LEPROTL1: variants seen among roughly 807,000 people sequenced by gnomAD.
The protein encoded by LEPROTL1 is leptin receptor overlapping transcript-like 1.
LEPROTL1 carries 6 observed loss-of-function variants against 15.4 expected under a neutral mutation model. The ratio of observed to expected loss-of-function variants is 0.39; its 90% confidence interval spans 0.21 to 0.77. LEPROTL1 has a LOEUF of 0.77. Among genes scored for constraint, LEPROTL1 ranks in the 30% least tolerant of loss-of-function variants. The pLI, the probability that LEPROTL1 is intolerant of heterozygous loss-of-function variation, is 0.41. For synonymous variants in LEPROTL1, 56 were observed against 52.6 expected, an observed-to-expected ratio of 1.06 and a Z score of -0.28; for missense variants, 128 against 158.1, an observed-to-expected ratio of 0.81 and a Z score of 1.02.
Position 30,137,011 on chromosome 8 carries a change from TA to T in LEPROTL1, c.395-250del, listed in dbSNP as rs1230406192. On this transcript the variant is annotated intron_variant, in intron 4 of 4. Transcript: ENST00000442880. ...CTGAAAATAGTCTTTACAGGAAAAT[TA>T]AAAAAAAAAATTCTAGGTATAGTCA... is the stretch of plus-strand genomic sequence containing the variant. Among the ~76,000 whole-genome samples, 20 of 147,636 alleles carry T rather than the reference TA, an allele frequency of 1.4e-4. No individual in the cohort carries two copies. In the East Asian group the frequency reaches 2.2e-3, roughly 16 times the overall value.
At chr8:30,096,774 A>C (rs1037131321) in intron 1 of LEPROTL1, among the ~76,000 whole-genome samples, 1 of 152,202 alleles carries the variant, frequency 6.6e-6, no homozygotes, top group Non-Finnish European at 1.5e-5. Context: ...GAAATACTGC[A>C]TTAAACTGAT....
At chr8:30,127,674 A>C (rs1802925473) in intron 3 of LEPROTL1, among the ~76,000 whole-genome samples, 1 of 94,268 alleles carries the variant, frequency 1.1e-5, no homozygotes, top group Middle Eastern at 6.6e-3. Flanking sequence ...GTCTCAAAAA[A>C]AAAAAAAAAA....
intron 3 of LEPROTL1, among the ~76,000 whole-genome samples, chr8:30,116,643 GCT>G (rs964958375): frequency 1.3e-5 from 2 of 152,134 alleles, no homozygotes; most frequent in African/African-American, 4.8e-5. Context: ...GGGTTGTGGG[GCT>G]CGGGGGTTGG....
At position 30,105,756 on chromosome 8, in the gene LEPROTL1, G is replaced by T; in HGVS notation, c.290G>T (p.Gly97Val). 6.3e-7 allele frequency: 1 copy of T among 1,593,044 alleles called. No homozygotes were observed. Among genetic ancestry groups the T allele is most frequent in the South Asian group, 1.1e-5 (1 of 89,636 alleles). Residue 97 changes from glycine to valine, a missense_variant, in exon 4 of 4, where the codon GGA (glycine) becomes GTA (valine). Physicochemically the swap from Gly to Val is moderately radical, Grantham distance 109. Coordinates refer to ENST00000321250, the MANE Select transcript of LEPROTL1 (RefSeq NM_015344.3). ...VFARAHLIEW[G>V]ACALVLTGNT... is the part of the protein sequence containing the mutation. ...ATCTTATTTCCATAGATTGAGTGGG[G>T]AGCTTGTGCACTTGTTCTCACAGGA...
In LEPROTL1 at chr8:30,104,703, CT is replaced by C. The variant is rs780769156; in HGVS notation, c.279+227del. 1.5e-3 allele frequency: 489 copies of C among 333,754 alleles called. 1 individual carries two copies. The highest frequency in any genetic ancestry group is 1.9e-3 in the Admixed American group (38 of 19,892). The allele number at this position is 333,754 out of a possible 1,614,324, so 20.7% of individuals were successfully genotyped here. Reference sequence around the variant, plus strand: ...TGCAGCAGCTGTTGGCTTGCTAATACTTTTTTTTTTCTTTTTTTTTTTTTTT... The same window carrying C: ...TGCAGCAGCTGTTGGCTTGCTAATACTTTTTTTTTCTTTTTTTTTTTTTTT... On this transcript the variant is annotated intron_variant, in intron 3 of 3. Transcript: ENST00000321250.
chr8:30,107,731 T>G lies in LEPROTL1; in HGVS notation c.*1869T>G. 1 of 971,904 alleles carries G rather than the reference T, an allele frequency of 1.0e-6. No homozygotes were observed. Among genetic ancestry groups the G allele is most frequent in the Non-Finnish European group, 1.2e-6 (1 of 825,322 alleles). 60.2% of individuals were successfully genotyped at this position (971,904 alleles called of 1,614,324 possible). On this transcript the variant is annotated 3_prime_UTR_variant, in exon 4 of 4. Transcript: ENST00000321250. ...AGCTGGTGAGACAGTTGGGAACTCT[T>G]TGTGCTTGTGATCTACTGGACTTTT...
chr8:30,106,159 T>G lies in LEPROTL1; in HGVS notation c.*297T>G. On this transcript the variant is annotated 3_prime_UTR_variant, in exon 4 of 4. Coordinates refer to ENST00000321250, the MANE Select transcript of LEPROTL1 (RefSeq NM_015344.3). ...GTTTTTCCTGTTAGGTTGATTTTTT[T>G]TGGAATCAATATGCAATGTTAAACA... 4.0e-6 allele frequency: 4 copies of G among 996,948 alleles called. No homozygotes were observed. Among genetic ancestry groups the G allele is most frequent in the Non-Finnish European group, 4.8e-6 (4 of 837,142 alleles). The allele number at this position is 996,948 out of a possible 1,614,324, so 61.8% of individuals were successfully genotyped here.
At chr8:30,104,714 CTTTT>C (rs376796010) in intron 3 of LEPROTL1, 128 of 200,266 alleles carry the variant, frequency 6.4e-4, no homozygotes, top group Non-Finnish European at 8.3e-4. Context: ...TTTTTTTTTT[CTTTT>C]TTTTTTTTTT....
chr8:30,111,547 C>T (rs1802652759), downstream of LEPROTL1, among the ~76,000 whole-genome samples: 1 of 152,214 alleles, frequency 6.6e-6, no homozygotes, highest in African/African-American at 2.4e-5. Context: ...AGCTTTTCCT[C>T]TAGAAAACTT....
intron 4 of LEPROTL1, chr8:30,137,135 A>T: frequency 1.4e-6 from 1 of 705,542 alleles, no homozygotes; most frequent in African/African-American, 1.8e-5. Context: ...CCCTGAAGCC[A>T]ATTGTGATCA....
chr8:30,124,715 G>GA (rs1028717813), intron 3 of LEPROTL1, among the ~76,000 whole-genome samples: 6 of 151,992 alleles, frequency 3.9e-5, no homozygotes, highest in African/African-American at 9.7e-5. Context: ...TATATAAACA[G>GA]AAAAAAGTAT....
At chr8:30,114,030 A>G (rs956485967) in intron 3 of LEPROTL1, among the ~76,000 whole-genome samples, 3 of 152,216 alleles carry the variant, frequency 2.0e-5, no homozygotes, top group African/African-American at 7.2e-5. Flanking sequence ...AAATCCAATT[A>G]GGCTGCCCCA....
At chr8:30,112,401 A>ATTTTTTTTTTTTTTTTTTTT (rs10684450), downstream of LEPROTL1, among the ~76,000 whole-genome samples, 44 of 27,888 alleles carry the variant, frequency 1.6e-3, 9 homozygotes, top group East Asian at 5.0e-3. Flanking sequence ...TGCCCAGCTA[A>ATTTTTTTTTTTTTTTTTTTT]TTTTTTTTTT....
At chr8:30,136,043 A>C (rs978605655) in intron 4 of LEPROTL1, among the ~76,000 whole-genome samples, 4 of 152,150 alleles carry the variant, frequency 2.6e-5, no homozygotes, top group African/African-American at 9.7e-5. Context: ...ATTTAAGAAA[A>C]ACTGACCCCG....
In LEPROTL1 at chr8:30,099,579, C is replaced by T. The variant is rs182426230; in HGVS notation, c.17-2319C>T. Among the ~76,000 whole-genome samples the T allele has an allele frequency of 8.6e-3, 1,080 of 126,242 alleles. 21 individuals carry two copies. Among genetic ancestry groups the T allele is most frequent in the African/African-American group, 0.031 (1,027 of 33,194 alleles). The allele number at this position is 126,242 out of a possible 152,430, so 82.8% of individuals were successfully genotyped here. A position where few individuals can be genotyped will look rare whatever the true frequency, so the allele number is the denominator to read the frequency against. On this transcript the variant is annotated intron_variant, in intron 1 of 3. Transcript: ENST00000321250. The stretch of plus-strand genomic sequence containing the variant: ...ATCGCGCCACTGCACTCCATCCTGG[C>T]GACAGCGCAAGACTCCATTTAAAAA...
chr8:30,116,240 A>G (rs1376455007), intron 3 of LEPROTL1, among the ~76,000 whole-genome samples: 5 of 144,278 alleles, frequency 3.5e-5, no homozygotes, highest in Middle Eastern at 3.8e-3. Context: ...ACCCTGTCTT[A>G]AAAAAAAAAA....
rs1176094146 is a variant in LEPROTL1, at chr8:30,096,277, A to T, written c.16+749A>T. ...CTGGCTTATTCATGTATTTTCTTTT[A>T]AAAAAAGGAATGTTGCATTTGTTCC... On this transcript the variant is annotated intron_variant, in intron 1 of 3. Coordinates refer to ENST00000321250, the MANE Select transcript of LEPROTL1 (RefSeq NM_015344.3). The T allele has an allele frequency of 3.1e-6, 3 of 972,270 alleles. No homozygotes were observed. The African/African-American group carries it at 5.3e-5, about 17-fold the overall frequency. 60.2% of individuals were successfully genotyped at this position (972,270 alleles called of 1,614,324 possible).
At chr8:30,121,496 C>T (rs763785863) in intron 3 of LEPROTL1, among the ~76,000 whole-genome samples, 2 of 152,108 alleles carry the variant, frequency 1.3e-5, no homozygotes, top group East Asian at 1.9e-4. Context: ...TCAAGTGATC[C>T]GCCCACCTCA....
At chr8:30,131,795 T>C in intron 3 of LEPROTL1, 1 of 897,262 alleles carries the variant, frequency 1.1e-6, no homozygotes, top group East Asian at 2.8e-5. Flanking sequence ...GATACACAAA[T>C]TCCTACTGCA....
Sources: allele counts gnomAD v4.1 joint callset (sites outside exome capture counted in the v4.1 genomes callset), GRCh38; gene constraint gnomAD v4.1.1; transcripts MANE v1.5; gene names NCBI Gene and HGNC (gene_info 2026-07-23, HGNC 2026-07-21).